Variants in HYDIN observed in about 807,000 individuals in gnomAD.
HYDIN encodes the protein HYDIN axonemal central pair apparatus protein.
A neutral mutation model predicts 403.9 loss-of-function variants in HYDIN; 132 were observed. The observed-to-expected ratio is 0.33, with a 90% CI of 0.28 to 0.38. The LOEUF is 0.38. HYDIN is among the 10% of genes least tolerant of loss of function. The pLI is 1.00. For missense variants in HYDIN, 2,827 were observed against 5,009.5 expected (o/e 0.56, Z 13.15); for synonymous variants, 1,202 against 1,891.7 (o/e 0.64, Z 9.46).
chr16:71,097,953 T>C (rs2083322650), intron 10 of HYDIN, among the ~76,000 whole-genome samples: 1 of 152,206 alleles, frequency 6.6e-6, no homozygotes, highest in African/African-American at 2.4e-5. Flanking sequence ...AGCTTTTGTA[T>C]CTTTAATGCT....
chr16:70,962,469 T>C (rs1393644461), intron 37 of HYDIN, among the ~76,000 whole-genome samples: 1 of 152,160 alleles, frequency 6.6e-6, no homozygotes, highest in Non-Finnish European at 1.5e-5. Context: ...ACAGAGAAAT[T>C]GTACCAAATT....
intron 23 of HYDIN, among the ~76,000 whole-genome samples, chr16:71,007,298 G>T (rs1247740567): frequency 6.6e-6 from 1 of 152,094 alleles, no homozygotes; most frequent in African/African-American, 2.4e-5. Context: ...GTCTTTGGGG[G>T]CTCATCAATT....
intron 18 of HYDIN, among the ~76,000 whole-genome samples, chr16:71,053,433 C>T (rs1021809107): frequency 6.6e-6 from 1 of 151,942 alleles, no homozygotes; most frequent in African/African-American, 2.4e-5. Context: ...AACAAGTAGG[C>T]AAAGAAATAA....
intron 7 of HYDIN, among the ~76,000 whole-genome samples, chr16:71,143,635 C>T (rs1172696425): frequency 6.6e-6 from 1 of 152,178 alleles, no homozygotes; most frequent in African/African-American, 2.4e-5. Context: ...TATAACAGCA[C>T]ACATTTATAA....
rs1016727146 is a variant in HYDIN at position 70,803,066 on chromosome 16, T to C, written c.*4514A>G. On this transcript the variant is annotated 3_prime_UTR_variant, in exon 86 of 86. Transcript: ENST00000393567. ...CGGGACGCATATCTAATATATTTCA[T>C]GTTTCTTTTGCTTTTTGGTTTGGCT... Among the ~76,000 whole-genome samples the C allele has an allele frequency of 2.6e-5, 4 of 152,238 alleles. No individual in the cohort carries two copies. Among genetic ancestry groups the C allele is most frequent in the African/African-American group, 9.6e-5 (4 of 41,466 alleles).
chr16:70,938,027 C>G (rs1197585296), intron 44 of HYDIN, among the ~76,000 whole-genome samples: 1 of 152,186 alleles, frequency 6.6e-6, no homozygotes, highest in Non-Finnish European at 1.5e-5. Flanking sequence ...GAGAAAGTGG[C>G]TGAGGGTGCT....
intron 10 of HYDIN, among the ~76,000 whole-genome samples, chr16:71,107,492 C>A (rs2083659835): frequency 6.6e-6 from 1 of 150,512 alleles, no homozygotes; most frequent in African/African-American, 2.4e-5. Flanking sequence ...AACAAACAAT[C>A]CTATTAAAAA....
chr16:70,895,473 G>C (rs1007126856), intron 54 of HYDIN, among the ~76,000 whole-genome samples: 25 of 152,174 alleles, frequency 1.6e-4, no homozygotes, highest in Non-Finnish European at 3.4e-4. Flanking sequence ...TGCTGTCTTT[G>C]AATGTGGAGA....
At chr16:70,896,414 G>A (rs1287801863) in intron 53 of HYDIN, among the ~76,000 whole-genome samples, 4 of 152,040 alleles carry the variant, frequency 2.6e-5, no homozygotes, top group Non-Finnish European at 5.9e-5. Flanking sequence ...GTGCAGTGGC[G>A]CAATCTCGGC....
At chr16:70,931,563 C>T (rs2077334147) in intron 45 of HYDIN, among the ~76,000 whole-genome samples, 1 of 151,676 alleles carries the variant, frequency 6.6e-6, no homozygotes, top group Non-Finnish European at 1.5e-5. Context: ...GAATCGGAAC[C>T]TCTCTGCATA....
chr16:71,197,253 G>A (rs2087741659), intron 1 of HYDIN, among the ~76,000 whole-genome samples: 1 of 152,138 alleles, frequency 6.6e-6, no homozygotes, highest in Admixed American at 6.5e-5. Context: ...AAATAGTACA[G>A]TATCTACTAT....
intron 6 of HYDIN, among the ~76,000 whole-genome samples, chr16:71,158,488 C>A (rs1597907685): frequency 6.7e-6 from 1 of 150,072 alleles, no homozygotes; most frequent in African/African-American, 2.5e-5. Context: ...CTAAAATATA[C>A]GAAATTGCCA....
At chr16:71,025,032 T>C (rs911566127) in intron 21 of HYDIN, among the ~76,000 whole-genome samples, 4 of 152,210 alleles carry the variant, frequency 2.6e-5, no homozygotes, top group Non-Finnish European at 5.9e-5. Context: ...TACTGATAAT[T>C]ATAATTATCA....
chr16:71,009,490 G>A (rs2080004093), intron 23 of HYDIN, among the ~76,000 whole-genome samples: 1 of 151,792 alleles, frequency 6.6e-6, no homozygotes, highest in African/African-American at 2.4e-5. Context: ...AGAGTAAAGG[G>A]AGCACAAGAA....
At chr16:71,049,909 C>A (rs1274988124) in intron 18 of HYDIN, among the ~76,000 whole-genome samples, 1 of 141,184 alleles carries the variant, frequency 7.1e-6, no homozygotes, top group Non-Finnish European at 1.5e-5. Flanking sequence ...ACTGAAGAGG[C>A]AACAGAGAGA....
At chr16:70,906,282 C>T (rs1694740449) in intron 50 of HYDIN, among the ~76,000 whole-genome samples, 1 of 152,042 alleles carries the variant, frequency 6.6e-6, no homozygotes, top group East Asian at 1.9e-4. Flanking sequence ...GTTTTTCATA[C>T]CCCCTCTATT....
chr16:70,938,127 C>T (rs1411771396), intron 44 of HYDIN, among the ~76,000 whole-genome samples: 4 of 152,356 alleles, frequency 2.6e-5, no homozygotes, highest in Non-Finnish European at 5.9e-5. Context: ...TGGGCAGCAC[C>T]GCCCAAGGCC....
intron 8 of HYDIN, 72 bp downstream of exon 8, chr16:71,137,079 A>G: frequency 2.1e-6 from 2 of 961,670 alleles, no homozygotes; most frequent in Admixed American, 4.0e-5. Context: ...AAATTCACTA[A>G]TTTTTCATAA....
chr16:71,005,179 A>G (rs540320204), intron 23 of HYDIN, among the ~76,000 whole-genome samples: 4 of 152,264 alleles, frequency 2.6e-5, no homozygotes, highest in South Asian at 2.1e-4. Flanking sequence ...ACATATGTCA[A>G]TTATAGTAAG....
Sources: allele counts gnomAD v4.1 joint callset (sites outside exome capture counted in the v4.1 genomes callset), GRCh38; gene constraint gnomAD v4.1.1; transcripts MANE v1.5; gene names NCBI Gene and HGNC (gene_info 2026-07-23, HGNC 2026-07-21).